Variants in PRXL2A observed in about 807,000 individuals in gnomAD.
PRXL2A encodes the protein peroxiredoxin-like 2A.
A neutral mutation model predicts 25.6 loss-of-function variants in PRXL2A; 26 were observed. The ratio of observed to expected loss-of-function variants is 1.02; its 90% confidence interval spans 0.74 to 1.41. The LOEUF (loss-of-function observed/expected upper bound fraction) is 1.41, where lower values mean the gene tolerates loss of function less well. Among genes scored for constraint, PRXL2A ranks in the 40% most tolerant of loss-of-function variants. The pLI, the probability that PRXL2A is intolerant of heterozygous loss-of-function variation, is 0.00. For synonymous variants in PRXL2A, 98 were observed against 102.9 expected (o/e 0.95, Z 0.29); for missense variants, 246 against 273.9 (o/e 0.90, Z 0.72).
Position 80,422,399 on chromosome 10 carries a change from C to T in PRXL2A, c.179-18C>T. On this transcript the variant is annotated intron_variant, in intron 2 of 5. Transcript: ENST00000606162. The stretch of plus-strand genomic sequence containing the variant: ...TGGGCTGGGAGGAGATATCGAATTT[C>T]TTTTTTTCCTCTCTTAGAACCAAGG... The T allele has an allele frequency of 1.2e-6, 2 of 1,603,930 alleles. No homozygotes were observed. The highest frequency in any genetic ancestry group is 2.7e-5 in the African/African-American group (2 of 74,776).
At chr10:80,427,277 GAGGA>G in intron 4 of PRXL2A, 51 bp from the exon 5 acceptor site, 1 of 1,529,558 alleles carries the variant, frequency 6.5e-7, no homozygotes, top group Non-Finnish European at 9.0e-7. Flanking sequence ...TTTCCTCCTT[GAGGA>G]AGGCAGGCAT....
intron 3 of PRXL2A, among the ~76,000 whole-genome samples, chr10:80,424,089 G>A (rs1380276989): frequency 1.3e-5 from 2 of 152,084 alleles, no homozygotes; most frequent in African/African-American, 4.8e-5. Flanking sequence ...ATTATAACCT[G>A]TTTCCCTCTG....
At chr10:80,427,142 CA>C (rs767746938) in intron 4 of PRXL2A, among the ~76,000 whole-genome samples, 189 bp from the exon 5 acceptor site, 42,442 of 91,938 alleles carry the variant, frequency 0.46, 7,697 homozygotes, top group African/African-American at 0.62. Flanking sequence ...GACTCCATCT[CA>C]AAAAAAAAAA....
chr10:80,427,652 AGTT>A (rs1020498594), intron 5 of PRXL2A, among the ~76,000 whole-genome samples, 156 bp downstream of exon 5: 2 of 152,214 alleles, frequency 1.3e-5, no homozygotes, highest in Admixed American at 1.3e-4. Flanking sequence ...AAGGGAAGGC[AGTT>A]GTTGTTTATC....
chr10:80,436,937 C>T lies in PRXL2A; in HGVS notation c.*4838C>T, dbSNP rs1417435245. 2 of 152,424 alleles carry T rather than the reference C, an allele frequency of 1.3e-5. No individual in the cohort carries two copies. The highest frequency in any genetic ancestry group is 3.4e-3 in the Middle Eastern group (1 of 298). 9.4% of individuals were successfully genotyped at this position (152,424 alleles called of 1,614,324 possible). Reference sequence around the variant, plus strand: ...AATCTAGACAGCCTTGCTGGGTTTCCCCTCTCAGTCTATTACTATTAGATC... The same window carrying T: ...AATCTAGACAGCCTTGCTGGGTTTCTCCTCTCAGTCTATTACTATTAGATC... On this transcript the variant is annotated 3_prime_UTR_variant, in exon 6 of 6. Coordinates refer to ENST00000606162, the MANE Select transcript of PRXL2A (RefSeq NM_032333.5).
At chr10:80,427,098 G>A (rs755691283) in intron 4 of PRXL2A, among the ~76,000 whole-genome samples, 12 of 149,822 alleles carry the variant, frequency 8.0e-5, no homozygotes, top group East Asian at 2.0e-4. Flanking sequence ...AGCTGAGATC[G>A]CGCCGTTGTA....
At chr10:80,423,471 AT>A (rs1344358121) in intron 3 of PRXL2A, among the ~76,000 whole-genome samples, 1 of 152,126 alleles carries the variant, frequency 6.6e-6, no homozygotes, top group East Asian at 1.9e-4. Context: ...CCCTGTCCAA[AT>A]TGTCATCCTC....
intron 2 of PRXL2A, 73 bp from the exon 3 acceptor site, chr10:80,422,344 G>A: frequency 8.1e-7 from 1 of 1,235,560 alleles, no homozygotes; most frequent in Admixed American, 1.7e-5. Flanking sequence ...TGGACTTAGT[G>A]TGGTTCATGA....
intron 5 of PRXL2A, among the ~76,000 whole-genome samples, chr10:80,430,194 C>G (rs184360413): frequency 2.7e-5 from 4 of 147,840 alleles, no homozygotes; most frequent in African/African-American, 1.0e-4. Context: ...TCCACCCCCC[C>G]GGGTTCAAGC....
intron 5 of PRXL2A, among the ~76,000 whole-genome samples, chr10:80,428,240 G>A (rs1332472630): frequency 5.3e-5 from 8 of 152,176 alleles, no homozygotes; most frequent in African/African-American, 1.9e-4. Flanking sequence ...GGTCTCTATA[G>A]GCCCAAGAGC....
At chr10:80,430,953 G>A (rs1201821018) in intron 5 of PRXL2A, among the ~76,000 whole-genome samples, 1 of 152,104 alleles carries the variant, frequency 6.6e-6, no homozygotes, top group Non-Finnish European at 1.5e-5. Flanking sequence ...GCAGTGGCGC[G>A]ATCTCGGCTC....
Position 80,436,365 on chromosome 10 carries a change from C to T in PRXL2A, c.*4266C>T, listed in dbSNP as rs1845403170. The T allele has an allele frequency of 6.6e-6, 1 of 152,634 alleles. No individual in the cohort carries two copies. The highest frequency in any genetic ancestry group is 1.5e-5 in the Non-Finnish European group (1 of 68,472). 9.5% of individuals were successfully genotyped at this position (152,634 alleles called of 1,614,324 possible). A position where few individuals can be genotyped will look rare whatever the true frequency, so the allele number is the denominator to read the frequency against. On this transcript the variant is annotated 3_prime_UTR_variant, in exon 6 of 6. Transcript: ENST00000606162. Reference sequence around the variant, plus strand: ...CTCCTGGGCTCAAGCAGTCATCCTGCCTCAGCCTTCCAAAGCTCAGGGATT... The same window carrying T: ...CTCCTGGGCTCAAGCAGTCATCCTGTCTCAGCCTTCCAAAGCTCAGGGATT...
chr10:80,411,582 A>G (rs957608345), intron 1 of PRXL2A, among the ~76,000 whole-genome samples: 5 of 152,198 alleles, frequency 3.3e-5, no homozygotes, highest in Admixed American at 1.3e-4. Context: ...GCCACTGACA[A>G]CCTGCCCTGC....
chr10:80,412,721 C>T (rs951326376), intron 1 of PRXL2A, among the ~76,000 whole-genome samples: 4 of 152,022 alleles, frequency 2.6e-5, no homozygotes, highest in Admixed American at 6.6e-5. Context: ...TAGGCATTTA[C>T]GTGGTTGGCC....
At position 80,434,842 on chromosome 10, in the gene PRXL2A, G is replaced by A. The variant is rs1321006545; in HGVS notation, c.*2743G>A. 1 of 152,112 alleles carries A rather than the reference G, an allele frequency of 6.6e-6. No homozygotes were observed. Among genetic ancestry groups the A allele is most frequent in the Non-Finnish European group, 1.5e-5 (1 of 68,022 alleles). The allele number at this position is 152,112 out of a possible 1,614,324, so 9.4% of individuals were successfully genotyped here. Reference sequence around the variant, plus strand: ...CAGAAAAAGTGAGAAACACATTCCTGTGCAGCAGAAGATACATATATCCCC... The same window carrying A: ...CAGAAAAAGTGAGAAACACATTCCTATGCAGCAGAAGATACATATATCCCC... On this transcript the variant is annotated 3_prime_UTR_variant, in exon 6 of 6. Coordinates refer to ENST00000606162, the MANE Select transcript of PRXL2A (RefSeq NM_032333.5).
intron 1 of PRXL2A, among the ~76,000 whole-genome samples, chr10:80,415,094 G>A (rs1402300742): frequency 6.6e-6 from 1 of 152,176 alleles, no homozygotes; most frequent in Non-Finnish European, 1.5e-5. Context: ...AGGTATTCCT[G>A]GAAGTGAATT....
At chr10:80,422,596 C>A in intron 3 of PRXL2A, 88 bp downstream of exon 3, 1 of 940,738 alleles carries the variant, frequency 1.1e-6, no homozygotes, top group Non-Finnish European at 1.7e-6. Flanking sequence ...GTCGGTAAGC[C>A]AGCTTTAGCC....
intron 2 of PRXL2A, 89 bp downstream of exon 2, chr10:80,420,734 A>G: frequency 9.8e-7 from 1 of 1,018,326 alleles, no homozygotes; most frequent in Non-Finnish European, 1.3e-6. Flanking sequence ...TCCTTTTTTT[A>G]ATTGAAAAGA....
chr10:80,420,809 AAC>A (rs1418191834), intron 2 of PRXL2A, among the ~76,000 whole-genome samples, 164 bp downstream of exon 2: 2 of 152,216 alleles, frequency 1.3e-5, no homozygotes, highest in Admixed American at 1.3e-4. Flanking sequence ...CTGTTACCCT[AAC>A]ACAGTAATTT....
Sources: allele counts gnomAD v4.1 joint callset (sites outside exome capture counted in the v4.1 genomes callset), GRCh38; gene constraint gnomAD v4.1.1; transcripts MANE v1.5; gene names NCBI Gene and HGNC (gene_info 2026-07-23, HGNC 2026-07-21).